IGFBP2: variants seen among roughly 807,000 people sequenced by gnomAD.
IGFBP2 encodes insulin like growth factor binding protein 2, also known as insulin-like growth factor-binding protein 2.
In IGFBP2, 12 loss-of-function variants were observed where a neutral mutation model predicts 26.2. The ratio of observed to expected loss-of-function variants is 0.46; its 90% confidence interval spans 0.29 to 0.74. IGFBP2 has a LOEUF of 0.74. Among genes scored for constraint, IGFBP2 ranks in the 30% least tolerant of loss-of-function variants. The probability of loss-of-function intolerance (pLI) is 0.09; values close to 1 mark genes in which losing one functional copy is unlikely to be tolerated. For synonymous variants in IGFBP2, 189 were observed against 200.6 expected, an observed-to-expected ratio of 0.94 and a Z score of 0.49; for missense variants, 328 against 441.2, an observed-to-expected ratio of 0.74 and a Z score of 2.30.
intron 1 of IGFBP2, among the ~76,000 whole-genome samples, chr2:216,636,753 A>G (rs1697504075): frequency 6.6e-6 from 1 of 152,208 alleles, no homozygotes; most frequent in South Asian, 2.1e-4. Context: ...AGGCTGGGCT[A>G]GACCGGTTCC....
intron 2 of IGFBP2, chr2:216,661,364 G>A (rs1403368887): frequency 1.4e-5 from 4 of 276,052 alleles, no homozygotes; most frequent in African/African-American, 4.5e-5. Context: ...TCGGCCTCCC[G>A]AAGCGCTGGG....
rs1029838698 is a variant in IGFBP2, at chr2:216,659,248, G to C, written c.443-1309G>C. Among the ~76,000 whole-genome samples, 3 of 152,244 alleles carry C rather than the reference G, an allele frequency of 2.0e-5. No homozygotes were observed. In the East Asian group the frequency reaches 5.8e-4, roughly 29 times the overall value. On this transcript the variant is annotated intron_variant, in intron 1 of 3. Coordinates refer to ENST00000233809, the MANE Select transcript of IGFBP2 (RefSeq NM_000597.3). Reference sequence around the variant, plus strand: ...ACCCGGTGCTGTCCCTGGCATGGAAGAGGTGCCCCCTCCCTTAGTTGGTGA... The same window carrying C: ...ACCCGGTGCTGTCCCTGGCATGGAACAGGTGCCCCCTCCCTTAGTTGGTGA...
intron 1 of IGFBP2, among the ~76,000 whole-genome samples, chr2:216,645,572 A>G (rs1697696172): frequency 6.6e-6 from 1 of 152,228 alleles, no homozygotes. Context: ...AACAAAGGTA[A>G]ACATGCAAGC....
intron 1 of IGFBP2, among the ~76,000 whole-genome samples, chr2:216,658,059 G>A (rs970261352): frequency 3.3e-5 from 5 of 152,126 alleles, no homozygotes; most frequent in Middle Eastern, 3.2e-3. Context: ...AATCCCCAGG[G>A]TTCATTGAGG....
Position 216,660,703 on chromosome 2 carries a change from G to A in IGFBP2, c.589G>A (p.Glu197Lys). ...ELAVFREKVTEQHRQMGKGGK... is the reference protein window; with the variant it reads ...ELAVFREKVTKQHRQMGKGGK... ...GGCCGTGTTCCGGGAGAAGGTCACT[G>A]AGCAGCACCGGCAGATGGGCAAGGG... The change falls in exon 2 of 4, where the codon GAG becomes AAG. Residue 197 changes from glutamate to lysine, a missense_variant. Glu to Lys is a moderately conservative substitution (Grantham distance 56). Transcript: ENST00000233809. 6.2e-7 allele frequency: 1 copy of A among 1,613,990 alleles called. No homozygotes were observed. The highest frequency in any genetic ancestry group is 2.2e-5 in the East Asian group (1 of 44,872).
Position 216,633,904 on chromosome 2 carries a change from C to T in IGFBP2, c.381C>T (p.Gly127=). The change falls in exon 1 of 4, where the codon GGC becomes GGT. Residue 127 remains glycine, a synonymous_variant. Transcript: ENST00000233809. ...TGCCCCTGCAGGCGCTGGTCATGGG[C>T]GAGGGCACTTGTGAGAAGCGCCGGG... ...SELPLQALVM[G]EGTCEKRRDA... 1 of 1,598,856 alleles carries T rather than the reference C, an allele frequency of 6.3e-7. No individual in the cohort carries two copies. The highest frequency in any genetic ancestry group is 2.3e-5 in the East Asian group (1 of 44,312).
At chr2:216,634,426 T>C (rs4674105) in intron 1 of IGFBP2, among the ~76,000 whole-genome samples, 47,157 of 151,698 alleles carry the variant, frequency 0.31, 7,490 homozygotes, top group East Asian at 0.43. Context: ...GAGAGGGAGC[T>C]AGGAGGAGGC....
At chr2:216,651,325 G>A (rs904957198) in intron 1 of IGFBP2, among the ~76,000 whole-genome samples, 8 of 152,148 alleles carry the variant, frequency 5.3e-5, no homozygotes, top group Admixed American at 2.6e-4. Flanking sequence ...ATGGAGTTTG[G>A]TGACCACCAT....
chr2:216,654,082 A>G (rs9341177), intron 1 of IGFBP2, among the ~76,000 whole-genome samples: 7,243 of 152,306 alleles, frequency 0.048, 561 homozygotes, highest in African/African-American at 0.16. Flanking sequence ...TAGGCAGAAA[A>G]AAAATACAAC....
intron 1 of IGFBP2, among the ~76,000 whole-genome samples, chr2:216,643,164 A>G (rs960376683): frequency 5.3e-5 from 8 of 152,154 alleles, no homozygotes; most frequent in Non-Finnish European, 1.0e-4. Flanking sequence ...ACTGAACTTG[A>G]TCCTGGCAAA....
intron 1 of IGFBP2, among the ~76,000 whole-genome samples, chr2:216,644,911 C>A (rs892084252): frequency 6.6e-6 from 1 of 152,230 alleles, no homozygotes; most frequent in Non-Finnish European, 1.5e-5. Context: ...ACCAGACTCA[C>A]ACATGCAGAA....
At chr2:216,639,353 A>G (rs1697568206) in intron 1 of IGFBP2, among the ~76,000 whole-genome samples, 1 of 151,830 alleles carries the variant, frequency 6.6e-6, no homozygotes, top group Non-Finnish European at 1.5e-5. Flanking sequence ...TTCGATATTG[A>G]TATGAGGAAG....
chr2:216,638,112 C>T lies in IGFBP2; in HGVS notation c.442+4147C>T, dbSNP rs548338240. Among the ~76,000 whole-genome samples the T allele has an allele frequency of 4.0e-4, 60 of 150,616 alleles. No homozygotes were observed. In the South Asian group the frequency reaches 0.011, roughly 27 times the overall value. The stretch of plus-strand genomic sequence containing the variant: ...CTGAGGCAGGAGAATTGCTTGAACC[C>T]GGGAGGTGGAGCTTGCAGTGAGCTG... On this transcript the variant is annotated intron_variant, in intron 1 of 3. Coordinates refer to ENST00000233809, the MANE Select transcript of IGFBP2 (RefSeq NM_000597.3).
rs183287716 is a variant in IGFBP2, at chr2:216,664,108, G to A, written c.*4G>A. The A allele has an allele frequency of 6.3e-6, 10 of 1,581,904 alleles. No individual in the cohort carries two copies. The highest frequency in any genetic ancestry group is 2.3e-5 in the East Asian group (1 of 43,866). Reference sequence around the variant, plus strand: ...GCACACCCAGCGGATGCAGTAGACCGCAGCCAGCCGGTGCCTGGCGCCCCT... The same window carrying A: ...GCACACCCAGCGGATGCAGTAGACCACAGCCAGCCGGTGCCTGGCGCCCCT... On this transcript the variant is annotated 3_prime_UTR_variant, in exon 4 of 4. Coordinates refer to ENST00000233809, the MANE Select transcript of IGFBP2 (RefSeq NM_000597.3). The surrounding 1 kb of genome is among the most constrained non-coding windows in gnomAD (Gnocchi z 4.6).
chr2:216,654,862 A>G (rs960761825), intron 1 of IGFBP2, among the ~76,000 whole-genome samples: 10 of 152,040 alleles, frequency 6.6e-5, no homozygotes, highest in African/African-American at 2.4e-4. Context: ...GACAAACTTG[A>G]CCTTCACCTC....
chr2:216,654,145 TG>T (rs1480466293), intron 1 of IGFBP2, among the ~76,000 whole-genome samples: 1 of 152,234 alleles, frequency 6.6e-6, no homozygotes, highest in Non-Finnish European at 1.5e-5. Flanking sequence ...GTTCGACATC[TG>T]GAATGTTTTC....
upstream of IGFBP2, chr2:216,633,366 G>T (rs1574549744): frequency 6.5e-6 from 1 of 154,714 alleles, no homozygotes; most frequent in South Asian, 2.0e-4. Context: ...AGGGGAGAAG[G>T]CAGGGGGCGG....
At position 216,659,615 on chromosome 2, in the gene IGFBP2, T is replaced by G. The variant is rs1489085991; in HGVS notation, c.443-942T>G. 7.8e-6 allele frequency: 7 copies of G among 898,510 alleles called. No individual in the cohort carries two copies. In the East Asian group the frequency reaches 1.3e-4, roughly 17 times the overall value. The allele number at this position is 898,510 out of a possible 1,614,324, so 55.7% of individuals were successfully genotyped here. ...TTGGCTGGACGTGCCTCAGCCAGAG[T>G]GAGACTGTGGCAGGCTGGAGCTGTT... On this transcript the variant is annotated intron_variant, in intron 1 of 3. Coordinates refer to ENST00000233809, the MANE Select transcript of IGFBP2 (RefSeq NM_000597.3).
intron 1 of IGFBP2, among the ~76,000 whole-genome samples, chr2:216,641,159 G>A (rs909416213): frequency 3.9e-5 from 6 of 152,160 alleles, no homozygotes; most frequent in African/African-American, 1.4e-4. Context: ...TGTGATAATG[G>A]CAAGTACCTG....
Sources: allele counts gnomAD v4.1 joint callset (sites outside exome capture counted in the v4.1 genomes callset), GRCh38; gene constraint gnomAD v4.1.1; non-coding constraint Gnocchi (gnomAD v3.1); transcripts MANE v1.5; gene names NCBI Gene and HGNC (gene_info 2026-07-23, HGNC 2026-07-21).